Variants in HS3ST5 observed in about 807,000 individuals in gnomAD.
The protein encoded by HS3ST5 is heparan sulfate-glucosamine 3-sulfotransferase 5.
Under a neutral mutation model 25.4 loss-of-function variants are expected in HS3ST5, and 10 were observed. The ratio of observed to expected loss-of-function variants is 0.39; its 90% confidence interval spans 0.24 to 0.67. The LOEUF (loss-of-function observed/expected upper bound fraction) is 0.67. Ranked by LOEUF, HS3ST5 falls within the 30% of genes least tolerant of loss-of-function variation. HS3ST5 has a pLI of 0.44. For missense variants in HS3ST5, 324 were observed against 420.7 expected, an observed-to-expected ratio of 0.77 and a Z score of 2.01; for synonymous variants, 170 against 162.4, an observed-to-expected ratio of 1.05 and a Z score of -0.36.
At chr6:114,087,815 A>G (rs1391241960) in intron 3 of HS3ST5, among the ~76,000 whole-genome samples, 1 of 152,148 alleles carries the variant, frequency 6.6e-6, no homozygotes, top group Non-Finnish European at 1.5e-5. Context: ...GTGCTATAAC[A>G]TCCTTACAAT....
rs554106751 is a variant in HS3ST5, at chr6:114,105,405, C to T, written c.-32-42528G>A. Among the ~76,000 whole-genome samples the T allele has an allele frequency of 2.6e-5, 4 of 152,138 alleles. No individual in the cohort carries two copies. In the South Asian group the frequency reaches 6.2e-4, roughly 24 times the overall value. The stretch of plus-strand genomic sequence containing the variant: ...CTTAAGGAGCAAGTAATTAGTTAAT[C>T]GGTGCTGTTTTATATGATTGGCAGG... On this transcript the variant is annotated intron_variant, in intron 3 of 4. Coordinates refer to ENST00000312719, the MANE Select transcript of HS3ST5 (RefSeq NM_153612.4).
At chr6:114,253,593 G>GCT (rs1468094579) in intron 1 of HS3ST5, among the ~76,000 whole-genome samples, 1 of 152,222 alleles carries the variant, frequency 6.6e-6, no homozygotes, top group Non-Finnish European at 1.5e-5. Flanking sequence ...AGAGGAGGCT[G>GCT]TGGGCTTGCA....
intron 2 of HS3ST5, among the ~76,000 whole-genome samples, chr6:114,171,268 C>T (rs2115003653): frequency 6.6e-6 from 1 of 152,278 alleles, no homozygotes; most frequent in Admixed American, 6.5e-5. Flanking sequence ...GATAAAATTT[C>T]TTATGAGTCA....
At chr6:114,125,706 A>T (rs1046928185) in intron 3 of HS3ST5, among the ~76,000 whole-genome samples, 1 of 152,308 alleles carries the variant, frequency 6.6e-6, no homozygotes, top group Non-Finnish European at 1.5e-5. Context: ...CCCACTGTGC[A>T]GGGAGAGTAC....
chr6:114,214,939 T>G (rs1278204338), intron 2 of HS3ST5, among the ~76,000 whole-genome samples: 1 of 152,148 alleles, frequency 6.6e-6, no homozygotes, highest in Non-Finnish European at 1.5e-5. Context: ...CCTGGACACT[T>G]GCACAGACTG....
At chr6:114,128,895 G>T (rs997001610) in intron 3 of HS3ST5, among the ~76,000 whole-genome samples, 9 of 152,208 alleles carry the variant, frequency 5.9e-5, no homozygotes, top group African/African-American at 2.2e-4. Context: ...ATTTTGCAGT[G>T]AAGAAAAACT....
At chr6:114,198,459 G>T (rs760617867) in intron 2 of HS3ST5, among the ~76,000 whole-genome samples, 1 of 152,110 alleles carries the variant, frequency 6.6e-6, no homozygotes, top group Non-Finnish European at 1.5e-5. Flanking sequence ...TATACAATTC[G>T]ATCATTCCCC....
intron 1 of HS3ST5, among the ~76,000 whole-genome samples, chr6:114,283,322 G>A (rs770005474): frequency 1.9e-4 from 29 of 151,570 alleles, no homozygotes; most frequent in Non-Finnish European, 4.0e-4. Flanking sequence ...ATATATCATT[G>A]CACTGACAGT....
intron 3 of HS3ST5, among the ~76,000 whole-genome samples, chr6:114,074,066 T>G (rs1773981243): frequency 6.6e-6 from 1 of 152,106 alleles, no homozygotes; most frequent in Non-Finnish European, 1.5e-5. Context: ...ACACCGCATG[T>G]TCTCACTCAT....
In HS3ST5 at chr6:114,056,695, G is replaced by A. The variant is rs988206490; in HGVS notation, c.*562C>T. The A allele has an allele frequency of 7.9e-5, 12 of 152,554 alleles. No individual in the cohort carries two copies. The highest frequency in any genetic ancestry group is 2.2e-4 in the African/African-American group (9 of 41,532). 9.5% of individuals were successfully genotyped at this position (152,554 alleles called of 1,614,324 possible). On this transcript the variant is annotated 3_prime_UTR_variant, in exon 5 of 5. Transcript: ENST00000312719. ...CTACAAGTGACACCATGGTCCATACGAGAAAACAATAGTGCAAAATCACCA... is the reference window on the plus strand; with the variant it reads ...CTACAAGTGACACCATGGTCCATACAAGAAAACAATAGTGCAAAATCACCA...
At chr6:114,338,115 C>G (rs1276269293) in intron 1 of HS3ST5, among the ~76,000 whole-genome samples, 1 of 151,982 alleles carries the variant, frequency 6.6e-6, no homozygotes, top group Non-Finnish European at 1.5e-5. Flanking sequence ...GTATCATACT[C>G]CATATTTTCA....
intron 1 of HS3ST5, among the ~76,000 whole-genome samples, chr6:114,307,243 C>A (rs1775334908): frequency 6.6e-6 from 1 of 152,148 alleles, no homozygotes; most frequent in South Asian, 2.1e-4. Flanking sequence ...AGGACATCCT[C>A]TTAGTCATTA....
At chr6:114,264,220 T>C (rs776382358) in intron 1 of HS3ST5, among the ~76,000 whole-genome samples, 14 of 152,236 alleles carry the variant, frequency 9.2e-5, no homozygotes, top group Admixed American at 2.6e-4. Flanking sequence ...TCATTCTTTA[T>C]TGATTGACAT....
chr6:114,189,132 A>G (rs1209878849), intron 2 of HS3ST5, among the ~76,000 whole-genome samples: 2 of 152,142 alleles, frequency 1.3e-5, no homozygotes, highest in African/African-American at 4.8e-5. Flanking sequence ...GTATATAAAA[A>G]CATGATATTG....
intron 3 of HS3ST5, among the ~76,000 whole-genome samples, chr6:114,088,373 A>G (rs1246637349): frequency 6.8e-6 from 1 of 147,464 alleles, no homozygotes; most frequent in Non-Finnish European, 1.5e-5. Flanking sequence ...TTCTGCCTAT[A>G]CTATTTCCTG....
intron 1 of HS3ST5, among the ~76,000 whole-genome samples, chr6:114,262,408 G>T (rs369362752): frequency 6.6e-6 from 1 of 152,076 alleles, no homozygotes; most frequent in Non-Finnish European, 1.5e-5. Flanking sequence ...TTAGCCAGGC[G>T]TGGTGGCAGG....
intron 3 of HS3ST5, among the ~76,000 whole-genome samples, chr6:114,149,776 T>A (rs1329001169): frequency 6.6e-6 from 1 of 152,172 alleles, no homozygotes; most frequent in Non-Finnish European, 1.5e-5. Context: ...TCAGCACAAA[T>A]TTTAAATCTG....
intron 3 of HS3ST5, among the ~76,000 whole-genome samples, chr6:114,092,864 G>A (rs1473995342): frequency 6.6e-6 from 1 of 151,800 alleles, no homozygotes; most frequent in Non-Finnish European, 1.5e-5. Flanking sequence ...CAGTAGAGAT[G>A]GGGTTTCACC....
rs186550222 is a variant in HS3ST5 at position 114,207,349 on chromosome 6, C to T, written c.-145+21236G>A. ...TGGTTTTCAACAATAAAACCAGAGA[C>T]GAGGTGATATATATTATGGACAAAA... On this transcript the variant is annotated intron_variant, in intron 2 of 4. Coordinates refer to ENST00000312719, the MANE Select transcript of HS3ST5 (RefSeq NM_153612.4). 1.1e-4 allele frequency among the ~76,000 whole-genome samples: 16 copies of T among 152,042 alleles called. No individual in the cohort carries two copies. In the South Asian group the frequency reaches 2.1e-3, roughly 20 times the overall value.
Sources: allele counts gnomAD v4.1 joint callset (sites outside exome capture counted in the v4.1 genomes callset), GRCh38; gene constraint gnomAD v4.1.1; transcripts MANE v1.5; gene names NCBI Gene and HGNC (gene_info 2026-07-23, HGNC 2026-07-21).